Variants in RBFOX1 observed in about 807,000 individuals in gnomAD.
RBFOX1 encodes RNA binding fox-1 homolog 1, also known as RNA binding protein fox-1 homolog 1.
RBFOX1 carries 8 observed loss-of-function variants against 57.7 expected under a neutral mutation model. That is an observed-to-expected ratio of 0.14 (90% confidence interval 0.08 to 0.25). RBFOX1 has a LOEUF of 0.25. Among genes scored for constraint, RBFOX1 ranks in the 10% least tolerant of loss-of-function variants. The probability of loss-of-function intolerance (pLI) is 1.00; values close to 1 mark genes in which losing one functional copy is unlikely to be tolerated. For synonymous variants in RBFOX1, 326 were observed against 222.4 expected, an observed-to-expected ratio of 1.47 and a Z score of -4.15; for missense variants, 611 against 548.5, an observed-to-expected ratio of 1.11 and a Z score of -1.14.
chr16:6,085,563 C>A (rs368108381), intron 1 of RBFOX1, among the ~76,000 whole-genome samples: 2 of 152,198 alleles, frequency 1.3e-5, no homozygotes, highest in African/African-American at 2.4e-5. Flanking sequence ...GCCACTGTGC[C>A]CGACCCTCAC....
At chr16:7,332,049 A>C (rs1034686560) in intron 4 of RBFOX1, among the ~76,000 whole-genome samples, 3 of 152,206 alleles carry the variant, frequency 2.0e-5, no homozygotes, top group African/African-American at 7.2e-5. Context: ...ATGAAAGCTC[A>C]AAATAAAGAA....
At chr16:6,145,471 A>G (rs1356466254) in intron 1 of RBFOX1, among the ~76,000 whole-genome samples, 1 of 151,960 alleles carries the variant, frequency 6.6e-6, no homozygotes, top group Non-Finnish European at 1.5e-5. Context: ...TGTCTTTGCT[A>G]TTGTGAATAG....
At position 5,923,530 on chromosome 16, in the gene RBFOX1, C is replaced by CTTT. The variant is rs71404564; in HGVS notation, c.351+56213_351+56215dup. Among the ~76,000 whole-genome samples, 238 of 109,352 alleles carry CTTT rather than the reference C, an allele frequency of 2.2e-3. 7 individuals are homozygous for CTTT. Among genetic ancestry groups the CTTT allele is most frequent in the African/African-American group, 4.9e-3 (142 of 28,860 alleles). The allele number at this position is 109,352 out of a possible 152,430, so 71.7% of individuals were successfully genotyped here. A position where few individuals can be genotyped will look rare whatever the true frequency, so the allele number is the denominator to read the frequency against. ...TAGATCATCTGTCTCCAGAGCCAGGCTTTTTTTTTTTTTTTTTTTTCTTTT... is the reference window on the plus strand; with the variant it reads ...TAGATCATCTGTCTCCAGAGCCAGGCTTTTTTTTTTTTTTTTTTTTTTTCTTTT... On this transcript the variant is annotated intron_variant, in intron 4 of 19. Transcript: ENST00000641259.
At chr16:5,915,942 A>G (rs972544727) in intron 4 of RBFOX1, among the ~76,000 whole-genome samples, 1 of 152,228 alleles carries the variant, frequency 6.6e-6, no homozygotes, top group African/African-American at 2.4e-5. Flanking sequence ...TGGGGCTTAG[A>G]GTTATTCAGT....
Position 6,344,407 on chromosome 16 carries a change from C to CTTTTTTTTTCTTTT in RBFOX1, c.-64+27359_-64+27360insCTTTTTTTTTTTTT, listed in dbSNP as rs1555635141. Among the ~76,000 whole-genome samples the CTTTTTTTTTCTTTT allele has an allele frequency of 2.7e-4, 30 of 109,844 alleles. 2 individuals carry two copies. Among genetic ancestry groups the CTTTTTTTTTCTTTT allele is most frequent in the African/African-American group, 1.3e-3 (29 of 22,992 alleles). The allele number at this position is 109,844 out of a possible 152,430, so 72.1% of individuals were successfully genotyped here. On this transcript the variant is annotated intron_variant, in intron 2 of 15. Transcript: ENST00000550418. ...TCTCTTCTTCTTTTTTCTTTTTTTT[C>CTTTTTTTTTCTTTT]TTTTTTTTTTTTGAGACAGAGTCTC...
intron 2 of RBFOX1, among the ~76,000 whole-genome samples, chr16:6,635,664 T>A (rs541387584): frequency 2.0e-5 from 3 of 152,312 alleles, no homozygotes; most frequent in Admixed American, 6.5e-5. Context: ...GTAATTTCAG[T>A]AAATCCAATG....
At chr16:6,232,154 G>A (rs982652483) in intron 1 of RBFOX1, among the ~76,000 whole-genome samples, 1 of 152,176 alleles carries the variant, frequency 6.6e-6, no homozygotes, top group Non-Finnish European at 1.5e-5. Context: ...CATTTTGCAA[G>A]GGCAGCAGCA....
At chr16:6,899,888 T>A (rs2068018254) in intron 3 of RBFOX1, among the ~76,000 whole-genome samples, 1 of 152,180 alleles carries the variant, frequency 6.6e-6, no homozygotes. Context: ...AAGTTAACAA[T>A]GAGAGAGATT....
chr16:5,537,467 C>G (rs2044745660), intron 2 of RBFOX1, among the ~76,000 whole-genome samples: 2 of 152,192 alleles, frequency 1.3e-5, no homozygotes, highest in Non-Finnish European at 2.9e-5. Context: ...ATGGGTCTTA[C>G]TGGGTTGAAG....
chr16:6,866,668 A>G (rs1171732560), intron 3 of RBFOX1, among the ~76,000 whole-genome samples: 1 of 150,064 alleles, frequency 6.7e-6, no homozygotes, highest in African/African-American at 2.5e-5. Context: ...CAGCCTTCCG[A>G]GTAGCTGGGA....
At chr16:6,941,510 G>C (rs542730904) in intron 3 of RBFOX1, among the ~76,000 whole-genome samples, 1 of 152,020 alleles carries the variant, frequency 6.6e-6, no homozygotes, top group Admixed American at 6.5e-5. Context: ...TTCCCAGTAA[G>C]GGGACCCTGC....
intron 4 of RBFOX1, among the ~76,000 whole-genome samples, chr16:5,937,223 G>T (rs774036371): frequency 6.6e-6 from 1 of 152,202 alleles, no homozygotes; most frequent in Admixed American, 6.5e-5. Context: ...GAACACGAGA[G>T]ATTGTGCAGC....
intron 2 of RBFOX1, among the ~76,000 whole-genome samples, chr16:6,599,562 T>C (rs559156114): frequency 6.6e-6 from 1 of 152,236 alleles, no homozygotes; most frequent in East Asian, 1.9e-4. Flanking sequence ...GTAACAAAAC[T>C]CCTACCATTT....
At chr16:7,248,733 G>A (rs2094402783) in intron 4 of RBFOX1, among the ~76,000 whole-genome samples, 1 of 152,198 alleles carries the variant, frequency 6.6e-6, no homozygotes, top group Admixed American at 6.5e-5. Context: ...CAGAGATAAT[G>A]TGAATTAGCA....
At chr16:6,418,651 G>A (rs181658261) in intron 2 of RBFOX1, among the ~76,000 whole-genome samples, 31 of 149,680 alleles carry the variant, frequency 2.1e-4, no homozygotes, top group Non-Finnish European at 3.4e-4. Flanking sequence ...AGCCTTCTAA[G>A]TAGCTGGGCT....
intron 4 of RBFOX1, among the ~76,000 whole-genome samples, chr16:5,962,817 G>T (rs1163728076): frequency 4.5e-5 from 5 of 110,246 alleles, no homozygotes; most frequent in Non-Finnish European, 6.9e-5. Flanking sequence ...GTGAGGGTTT[G>T]GTTTTTTTTT....
chr16:6,817,171 T>A (rs2090266476), intron 3 of RBFOX1, among the ~76,000 whole-genome samples: 1 of 152,184 alleles, frequency 6.6e-6, no homozygotes, highest in Non-Finnish European at 1.5e-5. Flanking sequence ...ATCCCTTGAC[T>A]GGACCTGTTA....
intron 4 of RBFOX1, among the ~76,000 whole-genome samples, chr16:7,185,132 A>G (rs1042286410): frequency 6.6e-6 from 1 of 152,202 alleles, no homozygotes; most frequent in East Asian, 1.9e-4. Context: ...ATGGAAGAGC[A>G]TATGGGAGCA....
chr16:6,890,409 C>G (rs1437501530), intron 3 of RBFOX1, among the ~76,000 whole-genome samples: 1 of 152,184 alleles, frequency 6.6e-6, no homozygotes, highest in Admixed American at 6.5e-5. Flanking sequence ...GTCCCAGCCA[C>G]TTGGAAGGCT....
Sources: gnomAD v4.1 joint callset for allele counts (sites outside exome capture counted in the v4.1 genomes callset) on GRCh38, gnomAD v4.1.1 for gene constraint, MANE v1.5 for transcripts, NCBI Gene and HGNC (gene_info 2026-07-23, HGNC 2026-07-21) for gene names.